Variants in NKAIN3 observed in about 807,000 individuals in gnomAD.
NKAIN3 encodes sodium/potassium-transporting ATPase subunit beta-1-interacting protein 3.
A neutral mutation model predicts 30.2 loss-of-function variants in NKAIN3; 25 were observed. That is an observed-to-expected ratio of 0.83 (90% CI 0.60 to 1.16). NKAIN3 has a LOEUF of 1.16. Among genes scored for constraint, NKAIN3 ranks in the 50% most tolerant of loss-of-function variants. NKAIN3 has a pLI of 0.00. For missense variants in NKAIN3, 225 were observed against 254.1 expected, an observed-to-expected ratio of 0.89 and a Z score of 0.78; for synonymous variants, 91 against 89.6, an observed-to-expected ratio of 1.02 and a Z score of -0.09.
At chr8:62,408,440 C>T (rs1451205642) in intron 1 of NKAIN3, among the ~76,000 whole-genome samples, 2 of 152,234 alleles carry the variant, frequency 1.3e-5, no homozygotes, top group Non-Finnish European at 2.9e-5. Context: ...GTACCCATCT[C>T]ACTCCACTAA....
intron 3 of NKAIN3, among the ~76,000 whole-genome samples, chr8:62,663,995 A>T (rs1586064418): frequency 6.6e-6 from 1 of 152,004 alleles, no homozygotes; most frequent in Middle Eastern, 3.4e-3. Context: ...CCTTACTTAC[A>T]TTTTCACTAT....
chr8:62,847,893 A>G (rs922574122), intron 4 of NKAIN3, among the ~76,000 whole-genome samples: 4 of 152,190 alleles, frequency 2.6e-5, no homozygotes, highest in African/African-American at 9.6e-5. Flanking sequence ...AATTTTCTGC[A>G]TATGGCTAAC....
chr8:62,455,587 G>A (rs543531239), intron 1 of NKAIN3, among the ~76,000 whole-genome samples: 3 of 152,196 alleles, frequency 2.0e-5, no homozygotes, highest in Non-Finnish European at 2.9e-5. Context: ...CTACCTGAGT[G>A]ATGGGATCAG....
At chr8:62,655,191 A>C (rs887894812) in intron 3 of NKAIN3, among the ~76,000 whole-genome samples, 1 of 152,200 alleles carries the variant, frequency 6.6e-6, no homozygotes, top group African/African-American at 2.4e-5. Flanking sequence ...CCTGAGCTGA[A>C]GGAGGTCCAG....
chr8:62,608,065 G>A (rs1264153231), intron 3 of NKAIN3, among the ~76,000 whole-genome samples: 3 of 152,126 alleles, frequency 2.0e-5, no homozygotes, highest in Non-Finnish European at 4.4e-5. Context: ...GACTCCTTAT[G>A]TGTGTCATTG....
rs184424778 is a variant in NKAIN3 at position 62,820,857 on chromosome 8, T to C, written c.471+73728T>C. ...AAACAAACATAAACATGAATGTGCA[T>C]ATTTAGCTAAGTAATTTGAAGCAAT... On this transcript the variant is annotated intron_variant, in intron 4 of 6. Transcript: ENST00000623646. 9.9e-5 allele frequency among the ~76,000 whole-genome samples: 15 copies of C among 152,244 alleles called. No individual in the cohort carries two copies. In the East Asian group the frequency reaches 1.9e-3, roughly 20 times the overall value.
intron 3 of NKAIN3, among the ~76,000 whole-genome samples, chr8:62,621,227 A>G (rs1272760571): frequency 6.6e-6 from 1 of 152,142 alleles, no homozygotes; most frequent in Non-Finnish European, 1.5e-5. Context: ...TATCAAATCC[A>G]GGTTTTCAAT....
intron 3 of NKAIN3, among the ~76,000 whole-genome samples, chr8:62,658,073 G>A (rs1038489689): frequency 1.5e-4 from 23 of 152,180 alleles, no homozygotes; most frequent in African/African-American, 5.1e-4. Context: ...AAGGGCAGCC[G>A]AGGCATAGAT....
At chr8:62,791,944 G>T (rs935598152) in intron 4 of NKAIN3, among the ~76,000 whole-genome samples, 16 of 152,098 alleles carry the variant, frequency 1.1e-4, no homozygotes, top group Non-Finnish European at 2.2e-4. Context: ...TGTACAACCT[G>T]ATGTTTTGAT....
intron 1 of NKAIN3, among the ~76,000 whole-genome samples, chr8:62,308,094 A>T (rs1020146543): frequency 2.7e-5 from 4 of 150,646 alleles, no homozygotes; most frequent in Non-Finnish European, 5.9e-5. Context: ...ACTTGGGTAG[A>T]TAATTAGGTT....
chr8:62,313,243 C>T (rs528210086), intron 1 of NKAIN3, among the ~76,000 whole-genome samples: 1 of 152,138 alleles, frequency 6.6e-6, no homozygotes, highest in African/African-American at 2.4e-5. Context: ...ACCCTCTCAC[C>T]CTGTTTTTGA....
Position 62,942,375 on chromosome 8 carries a change from A to T in NKAIN3, c.533-11527A>T, listed in dbSNP as rs924735164. The stretch of plus-strand genomic sequence containing the variant: ...AAAACTGCAAAACATTGCTGAAAGA[A>T]ATTATAGATGGCACAGATGGAAACA... On this transcript the variant is annotated intron_variant, in intron 5 of 6. Transcript: ENST00000623646. Among the ~76,000 whole-genome samples the T allele has an allele frequency of 6.5e-4, 98 of 151,158 alleles. 1 individual carries two copies. Among genetic ancestry groups the T allele is most frequent in the Non-Finnish European group, 1.3e-3 (88 of 67,778 alleles).
intron 1 of NKAIN3, among the ~76,000 whole-genome samples, chr8:62,477,068 C>A (rs1016594594): frequency 1.3e-5 from 2 of 152,104 alleles, no homozygotes; most frequent in African/African-American, 4.8e-5. Flanking sequence ...TACAGATCTC[C>A]TGGGCAGAGG....
intron 3 of NKAIN3, among the ~76,000 whole-genome samples, chr8:62,671,742 C>T (rs1440784042): frequency 6.6e-6 from 1 of 152,092 alleles, no homozygotes; most frequent in East Asian, 1.9e-4. Context: ...GGGGTTCTGT[C>T]TCTGCCTCTT....
chr8:62,349,352 G>T (rs1816111505), intron 1 of NKAIN3, among the ~76,000 whole-genome samples: 1 of 152,082 alleles, frequency 6.6e-6, no homozygotes, highest in Non-Finnish European at 1.5e-5. Flanking sequence ...GGCGGGAATT[G>T]ATTCAGGAAA....
At chr8:62,875,723 G>C (rs1011317633) in intron 4 of NKAIN3, among the ~76,000 whole-genome samples, 2 of 152,150 alleles carry the variant, frequency 1.3e-5, no homozygotes, top group Non-Finnish European at 1.5e-5. Flanking sequence ...AAGCAATGGG[G>C]AAAGGATCTC....
At chr8:62,659,487 G>A (rs943215414) in intron 3 of NKAIN3, among the ~76,000 whole-genome samples, 1 of 152,222 alleles carries the variant, frequency 6.6e-6, no homozygotes, top group South Asian at 2.1e-4. Flanking sequence ...TAATGTGACT[G>A]ACTATGCCAT....
At chr8:62,816,285 C>T (rs1029057645) in intron 4 of NKAIN3, among the ~76,000 whole-genome samples, 6 of 152,096 alleles carry the variant, frequency 3.9e-5, no homozygotes, top group African/African-American at 1.4e-4. Context: ...ATGATTTGTT[C>T]AGCTGTAATA....
rs572245196 is a variant in NKAIN3 at position 62,748,233 on chromosome 8, T to C, written c.471+1104T>C. Among the ~76,000 whole-genome samples, 447 of 152,278 alleles carry C rather than the reference T, an allele frequency of 2.9e-3. 1 individual carries two copies. Among genetic ancestry groups the C allele is most frequent in the African/African-American group, 0.01 (425 of 41,542 alleles). ...TTGGCTAGGGTCACTGATGTGAGCC[T>C]GTCAATCTTGAGCTTTGCTGGGACT... On this transcript the variant is annotated intron_variant, in intron 4 of 6. Transcript: ENST00000623646.
Sources: gnomAD v4.1 joint callset for allele counts (sites outside exome capture counted in the v4.1 genomes callset) on GRCh38, gnomAD v4.1.1 for gene constraint, MANE v1.5 for transcripts, NCBI Gene and HGNC (gene_info 2026-07-23, HGNC 2026-07-21) for gene names.